CELF2: variants seen among roughly 807,000 people sequenced by gnomAD.
CELF2 encodes CUGBP Elav-like family member 2.
CELF2 carries 8 observed loss-of-function variants against 62.6 expected under a neutral mutation model. The observed-to-expected ratio is 0.13, with a 90% CI of 0.07 to 0.23. The LOEUF is 0.23. Ranked by LOEUF, CELF2 falls within the 10% of genes least tolerant of loss-of-function variation. CELF2 has a pLI of 1.00. For missense variants in CELF2, 333 were observed against 671.0 expected (o/e 0.50, Z 5.56); for synonymous variants, 258 against 250.0 (o/e 1.03, Z -0.30).
chr10:11,257,556 G>T (rs2079183291), intron 4 of CELF2, 182 bp from the exon 5 acceptor site: 1 of 583,448 alleles, frequency 1.7e-6, no homozygotes, highest in Non-Finnish European at 3.1e-6. Flanking sequence ...AGCACCAGGT[G>T]GGAGGGAGTG....
upstream of CELF2, among the ~76,000 whole-genome samples, chr10:10,796,316 C>T (rs1392255033): frequency 1.3e-5 from 2 of 152,148 alleles, no homozygotes; most frequent in Non-Finnish European, 2.9e-5. Context: ...AAATTAGAAC[C>T]GTTCCTAGTA....
Position 11,159,718 on chromosome 10 carries a change from C to T in CELF2, c.75-5768C>T, listed in dbSNP as rs2065267892. ...TCTGTCCTGTTACCCGCCGGAGGCA[C>T]CAGGCCCATCGCCAGGTTCTTTCTG... is the stretch of plus-strand genomic sequence containing the variant. On this transcript the variant is annotated intron_variant, in intron 1 of 12. Coordinates refer to ENST00000633077, the MANE Select transcript of CELF2 (RefSeq NM_001326342.2). The surrounding 1 kb of genome is among the most constrained non-coding windows in gnomAD (Gnocchi z 5.0). 2.0e-5 allele frequency among the ~76,000 whole-genome samples: 3 copies of T among 152,212 alleles called. No individual in the cohort carries two copies. The highest frequency in any genetic ancestry group is 4.8e-5 in the African/African-American group (2 of 41,448).
chr10:10,861,783 G>C (rs981206277), intron 1 of CELF2, among the ~76,000 whole-genome samples: 1 of 152,154 alleles, frequency 6.6e-6, no homozygotes, highest in Admixed American at 6.5e-5. Flanking sequence ...GATTAAGGCA[G>C]ATAAAAATTA....
chr10:10,837,045 G>A (rs972637143), intron 1 of CELF2, among the ~76,000 whole-genome samples: 10 of 152,150 alleles, frequency 6.6e-5, no homozygotes, highest in African/African-American at 2.4e-4. Flanking sequence ...CTTACACCAG[G>A]AATTCCCTGC....
the CELF2 span, among the ~76,000 whole-genome samples, chr10:10,552,526 A>C: frequency 2.0e-5 from 3 of 152,204 alleles, no homozygotes; most frequent in Admixed American, 6.5e-5. Context: ...CACATCTACC[A>C]GGCCAGGAAG....
rs2087907641 is a variant in CELF2 at position 11,280,306 on chromosome 10, GC to G, written c.841+5188del. On this transcript the variant is annotated intron_variant, in intron 8 of 12. Coordinates refer to ENST00000633077, the MANE Select transcript of CELF2 (RefSeq NM_001326342.2). The surrounding 1 kb of genome is among the most constrained non-coding windows in gnomAD (Gnocchi z 7.6). Reference sequence around the variant, plus strand: ...GCGCCCCATCCAGGAGCAGGCCTGCGCCTGACACCTGTGCCCGAGAAGCCTA... The same window carrying G: ...GCGCCCCATCCAGGAGCAGGCCTGCGCTGACACCTGTGCCCGAGAAGCCTA... 6.6e-6 allele frequency among the ~76,000 whole-genome samples: 1 copy of G among 152,202 alleles called. No homozygotes were observed. The highest frequency in any genetic ancestry group is 2.4e-5 in the African/African-American group (1 of 41,450).
intron 1 of CELF2, among the ~76,000 whole-genome samples, chr10:11,120,362 A>G (rs1238054118): frequency 6.6e-6 from 1 of 152,150 alleles, no homozygotes; most frequent in African/African-American, 2.4e-5. Context: ...GCAAACAGAA[A>G]AGCTTTGCTG....
chr10:10,793,806 A>G (rs933319051), upstream of CELF2, among the ~76,000 whole-genome samples: 5 of 152,222 alleles, frequency 3.3e-5, no homozygotes, highest in African/African-American at 1.2e-4. Context: ...TGCCTAGTCA[A>G]TAACGTCAGA....
chr10:10,626,555 C>A, the CELF2 span, among the ~76,000 whole-genome samples: 154 of 152,250 alleles, frequency 1.0e-3, 4 homozygotes, highest in South Asian at 0.032. Flanking sequence ...TGAATTCTCC[C>A]TCTAGGCTCT....
chr10:10,657,414 A>C, the CELF2 span, among the ~76,000 whole-genome samples: 1 of 152,038 alleles, frequency 6.6e-6, no homozygotes, highest in African/African-American at 2.4e-5. Flanking sequence ...ATTTGCCATT[A>C]AAAGTAATGG....
At chr10:11,019,482 T>C (rs2057941085) in intron 1 of CELF2, among the ~76,000 whole-genome samples, 1 of 152,162 alleles carries the variant, frequency 6.6e-6, no homozygotes, top group African/African-American at 2.4e-5. Flanking sequence ...GGCAACTAAC[T>C]TTCCCCTGCC....
chr10:10,960,893 C>A (rs565634663), intron 2 of CELF2, among the ~76,000 whole-genome samples: 1 of 152,364 alleles, frequency 6.6e-6, no homozygotes, highest in East Asian at 1.9e-4. Flanking sequence ...CACATTGTAA[C>A]TAGCCGTGCC....
At chr10:10,790,081 T>C in the CELF2 span, among the ~76,000 whole-genome samples, 3 of 152,124 alleles carry the variant, frequency 2.0e-5, no homozygotes, top group East Asian at 1.9e-4. Context: ...CTGTCTGTTA[T>C]TTATTTTGGT....
At position 11,165,046 on chromosome 10, in the gene CELF2, G is replaced by A. The variant is rs901095188; in HGVS notation, c.75-440G>A. 9 of 441,640 alleles carry A rather than the reference G, an allele frequency of 2.0e-5. No individual in the cohort carries two copies. Among genetic ancestry groups the A allele is most frequent in the Admixed American group, 6.7e-5 (1 of 14,992 alleles). 27.4% of individuals were successfully genotyped at this position (441,640 alleles called of 1,614,324 possible). On this transcript the variant is annotated intron_variant, in intron 1 of 12. Transcript: ENST00000633077. The surrounding 1 kb of genome is among the most constrained non-coding windows in gnomAD (Gnocchi z 7.4). The stretch of plus-strand genomic sequence containing the variant: ...AACCTCCCAAAAAGGGCGGTGGGGC[G>A]GGGGGCGGGGCAGGGAGAGGGAGAG...
At chr10:11,271,223 C>T (rs1025951108) in intron 7 of CELF2, among the ~76,000 whole-genome samples, 5 of 152,218 alleles carry the variant, frequency 3.3e-5, no homozygotes, top group South Asian at 2.1e-4. Context: ...CCTGGCTCTT[C>T]GCAGTGGAAC....
chr10:10,879,962 G>C (rs1336262693), intron 1 of CELF2, among the ~76,000 whole-genome samples: 1 of 152,156 alleles, frequency 6.6e-6, no homozygotes, highest in Non-Finnish European at 1.5e-5. Flanking sequence ...ATCTGACACA[G>C]GGTGAACTCA....
At chr10:11,061,121 C>T (rs2066632037) in intron 1 of CELF2, among the ~76,000 whole-genome samples, 3 of 152,164 alleles carry the variant, frequency 2.0e-5, no homozygotes, top group African/African-American at 4.8e-5. Context: ...GTCTGTTGGA[C>T]CAAGCATTCT....
At chr10:11,312,779 C>G (rs1443335173) in intron 9 of CELF2, among the ~76,000 whole-genome samples, 3 of 152,120 alleles carry the variant, frequency 2.0e-5, no homozygotes, top group Non-Finnish European at 2.9e-5. Context: ...AATAAAAATA[C>G]AAAAATTAGC....
At chr10:10,776,692 T>G in the CELF2 span, 1 of 155,934 alleles carries the variant, frequency 6.4e-6, no homozygotes, top group African/African-American at 2.4e-5. Context: ...CCCGGCTGCA[T>G]GCACAGAGCA....
Sources: gnomAD v4.1 joint callset for allele counts (sites outside exome capture counted in the v4.1 genomes callset) on GRCh38, gnomAD v4.1.1 for gene constraint, Gnocchi (gnomAD v3.1) non-coding constraint, MANE v1.5 for transcripts, NCBI Gene and HGNC (gene_info 2026-07-23, HGNC 2026-07-21) for gene names.